The following TMEM132C variants were observed in gnomAD, a reference collection of about 807,000 sequenced individuals.
The protein encoded by TMEM132C is transmembrane protein 132C.
A neutral mutation model predicts 61.4 loss-of-function variants in TMEM132C; 29 were observed. The ratio of observed to expected loss-of-function variants is 0.47; its 90% confidence interval spans 0.35 to 0.64. The LOEUF (loss-of-function observed/expected upper bound fraction) is 0.64. TMEM132C is among the 30% of genes least tolerant of loss of function. The probability of loss-of-function intolerance (pLI) is 0.00; values close to 1 mark genes in which losing one functional copy is unlikely to be tolerated. For synonymous variants in TMEM132C, 656 were observed against 633.1 expected (o/e 1.04, Z -0.54); for missense variants, 1,408 against 1,476.9 (o/e 0.95, Z 0.76).
chr12:128,281,775 A>G (rs536927770), intron 1 of TMEM132C, among the ~76,000 whole-genome samples: 78 of 152,312 alleles, frequency 5.1e-4, no homozygotes, highest in African/African-American at 1.9e-3. Flanking sequence ...TTGTCTCCCC[A>G]TGAATCTAAT....
At chr12:128,558,064 C>T (rs1447545153) in intron 3 of TMEM132C, among the ~76,000 whole-genome samples, 4 of 152,196 alleles carry the variant, frequency 2.6e-5, no homozygotes, top group African/African-American at 9.6e-5. Flanking sequence ...ATAATAGTAC[C>T]TTTGCTGAGG....
chr12:128,305,639 T>C (rs898812082), intron 1 of TMEM132C, among the ~76,000 whole-genome samples: 5 of 152,110 alleles, frequency 3.3e-5, no homozygotes, highest in African/African-American at 1.2e-4. Flanking sequence ...CATTATCTTA[T>C]GCTCTAATGG....
intron 1 of TMEM132C, among the ~76,000 whole-genome samples, chr12:128,301,718 G>C (rs760894559): frequency 1.3e-5 from 2 of 152,176 alleles, no homozygotes; most frequent in Non-Finnish European, 2.9e-5. Flanking sequence ...TGGGCTTCCA[G>C]TATTACTGGT....
At chr12:128,351,427 A>G (rs1593021116) in intron 1 of TMEM132C, among the ~76,000 whole-genome samples, 1 of 152,186 alleles carries the variant, frequency 6.6e-6, no homozygotes, top group Non-Finnish European at 1.5e-5. Context: ...ACATGCATAT[A>G]TTGATATATA....
chr12:128,400,271 G>A (rs1214958659), intron 1 of TMEM132C: 1 of 152,244 alleles, frequency 6.6e-6, no homozygotes, highest in Non-Finnish European at 1.5e-5. Flanking sequence ...CCCACCCGTG[G>A]CTGAGCTTGT....
chr12:128,320,072 G>A (rs1469157423), intron 1 of TMEM132C, among the ~76,000 whole-genome samples: 2 of 152,092 alleles, frequency 1.3e-5, no homozygotes, highest in Non-Finnish European at 2.9e-5. Flanking sequence ...GTCCAATAAG[G>A]CACAACCCAA....
chr12:128,286,904 G>T (rs190226583), intron 1 of TMEM132C, among the ~76,000 whole-genome samples: 46 of 151,968 alleles, frequency 3.0e-4, no homozygotes, highest in Non-Finnish European at 5.6e-4. Context: ...GAGAGAGAGG[G>T]GTAGAAAGAG....
intron 2 of TMEM132C, among the ~76,000 whole-genome samples, chr12:128,515,356 C>T (rs925425842): frequency 1.1e-4 from 16 of 152,304 alleles, no homozygotes; most frequent in African/African-American, 3.8e-4. Flanking sequence ...TTTCTGTGAG[C>T]ATGAGTACTC....
chr12:128,381,109 G>A (rs956194509), intron 1 of TMEM132C, among the ~76,000 whole-genome samples: 1 of 152,202 alleles, frequency 6.6e-6, no homozygotes, highest in Non-Finnish European at 1.5e-5. Context: ...ACCGCAGAAA[G>A]GCCACTTGCT....
At chr12:128,393,368 A>C (rs1874833126) in intron 1 of TMEM132C, among the ~76,000 whole-genome samples, 1 of 152,136 alleles carries the variant, frequency 6.6e-6, no homozygotes, top group Admixed American at 6.5e-5. Context: ...TTACTCTATA[A>C]AATAGACTCT....
intron 1 of TMEM132C, among the ~76,000 whole-genome samples, chr12:128,408,224 A>C (rs1031503075): frequency 2.6e-5 from 4 of 152,214 alleles, no homozygotes; most frequent in African/African-American, 9.6e-5. Context: ...AGCCCACTCC[A>C]TCTGTATTTT....
intron 1 of TMEM132C, among the ~76,000 whole-genome samples, chr12:128,287,473 C>T (rs1674358496): frequency 6.7e-6 from 1 of 148,964 alleles, no homozygotes; most frequent in African/African-American, 2.5e-5. Flanking sequence ...CTCTCTCTCC[C>T]CCTCTGTCTG....
chr12:128,513,388 T>G (rs554964684), intron 2 of TMEM132C, among the ~76,000 whole-genome samples: 23 of 152,162 alleles, frequency 1.5e-4, no homozygotes, highest in Non-Finnish European at 2.6e-4. Context: ...TGCCGAGATA[T>G]AATCTCATTA....
At chr12:128,340,856 T>TCTTTCTTCCTTCCTTCCTTC (rs1555218715) in intron 1 of TMEM132C, among the ~76,000 whole-genome samples, 1 of 147,268 alleles carries the variant, frequency 6.8e-6, no homozygotes, top group African/African-American at 2.6e-5. Context: ...TCTCTTTCTT[T>TCTTTCTTCCTTCCTTCCTTC]CTTCCTTCCT....
chr12:128,384,932 C>T (rs549645501), intron 1 of TMEM132C, among the ~76,000 whole-genome samples: 20 of 151,350 alleles, frequency 1.3e-4, no homozygotes, highest in Non-Finnish European at 2.1e-4. Context: ...CTCCGGGCTC[C>T]TAAAGCCTTC....
At chr12:128,594,096 C>G (rs993406181) in intron 3 of TMEM132C, among the ~76,000 whole-genome samples, 4 of 137,316 alleles carry the variant, frequency 2.9e-5, no homozygotes, top group African/African-American at 8.2e-5. Flanking sequence ...CAAGGGAGAG[C>G]CCCCACCTCC....
intron 1 of TMEM132C, among the ~76,000 whole-genome samples, chr12:128,307,711 G>A (rs1466957498): frequency 6.6e-6 from 1 of 152,102 alleles, no homozygotes; most frequent in African/African-American, 2.4e-5. Context: ...TTTTGTAATA[G>A]ATGTTCCCAG....
In TMEM132C at chr12:128,347,498, G is replaced by A. The variant is rs984481594; in HGVS notation, c.86-67234G>A. Among the ~76,000 whole-genome samples, 5 of 149,020 alleles carry A rather than the reference G, an allele frequency of 3.4e-5. No individual in the cohort carries two copies. In the East Asian group the frequency reaches 5.9e-4, roughly 18 times the overall value. The stretch of plus-strand genomic sequence containing the variant: ...GGCTGGAGTGCACTGGTGCAATCTC[G>A]GCTCACCACAACCTCTGCCTCCCAG... On this transcript the variant is annotated intron_variant, in intron 1 of 8. Transcript: ENST00000435159.
At chr12:128,572,902 A>G (rs1332386828) in intron 3 of TMEM132C, among the ~76,000 whole-genome samples, 1 of 152,256 alleles carries the variant, frequency 6.6e-6, no homozygotes, top group Non-Finnish European at 1.5e-5. Context: ...CCACAATGAG[A>G]TACCATCTCA....
Sources: allele counts gnomAD v4.1 joint callset (sites outside exome capture counted in the v4.1 genomes callset), GRCh38; gene constraint gnomAD v4.1.1; transcripts MANE v1.5; gene names NCBI Gene and HGNC (gene_info 2026-07-23, HGNC 2026-07-21).